RAB28: variants seen among roughly 807,000 people sequenced by gnomAD.
RAB28 encodes the protein ras-related protein Rab-28.
Under a neutral mutation model 31.7 loss-of-function variants are expected in RAB28, and 24 were observed. That is an observed-to-expected ratio of 0.76 (90% CI 0.55 to 1.06). The LOEUF (loss-of-function observed/expected upper bound fraction) is 1.06. Ranked by LOEUF, RAB28 falls within the 50% of genes least tolerant of loss-of-function variation. RAB28 has a pLI of 0.00. For missense variants in RAB28, 254 were observed against 258.5 expected (o/e 0.98, Z 0.12); for synonymous variants, 100 against 90.4 (o/e 1.11, Z -0.60).
chr4:13,455,979 T>C (rs1444487916), intron 4 of RAB28, among the ~76,000 whole-genome samples: 1 of 152,242 alleles, frequency 6.6e-6, no homozygotes, highest in East Asian at 1.9e-4. Context: ...TAAGTGTATT[T>C]ATTAATCTCA....
chr4:13,387,874 C>G (rs1364927239), intron 4 of RAB28, among the ~76,000 whole-genome samples: 1 of 152,012 alleles, frequency 6.6e-6, no homozygotes, highest in Non-Finnish European at 1.5e-5. Context: ...ACATTGTCCA[C>G]ACAATGCAAA....
chr4:13,394,421 C>G (rs567999061), intron 4 of RAB28, among the ~76,000 whole-genome samples: 231 of 152,270 alleles, frequency 1.5e-3, no homozygotes, highest in African/African-American at 5.4e-3. Context: ...TCTAATGCTG[C>G]TGCTGATCTG....
intron 3 of RAB28, among the ~76,000 whole-genome samples, chr4:13,471,821 T>C (rs1716134344): frequency 1.3e-5 from 2 of 152,064 alleles, no homozygotes; most frequent in Admixed American, 6.6e-5. Flanking sequence ...AATCATTAAG[T>C]GTAAACGATA....
At chr4:13,380,038 T>C (rs1046798926) in intron 5 of RAB28, among the ~76,000 whole-genome samples, 4 of 152,132 alleles carry the variant, frequency 2.6e-5, no homozygotes, top group African/African-American at 7.2e-5. Context: ...AAAATAATTC[T>C]GAAATGGCAA....
At chr4:13,431,691 C>A (rs1456228069) in intron 4 of RAB28, among the ~76,000 whole-genome samples, 2 of 152,102 alleles carry the variant, frequency 1.3e-5, no homozygotes, top group African/African-American at 4.8e-5. Flanking sequence ...GGAGCCCACA[C>A]AGAGCCTTGG....
chr4:13,395,998 G>A lies in RAB28; in HGVS notation c.392-14404C>T, dbSNP rs573939728. Among the ~76,000 whole-genome samples the A allele has an allele frequency of 2.6e-5, 4 of 151,972 alleles. No individual in the cohort carries two copies. In the East Asian group the frequency reaches 5.8e-4, roughly 22 times the overall value. On this transcript the variant is annotated intron_variant, in intron 4 of 6. Coordinates refer to ENST00000330852, the MANE Select transcript of RAB28 (RefSeq NM_001017979.3). ...ATTATCAATTAATTGTATTATTAAT[G>A]TCTACTTGCTGTCGATGGAAAAAAA...
intron 6 of RAB28, chr4:13,371,259 A>C (rs1728701562): frequency 1.0e-6 from 1 of 985,266 alleles, no homozygotes; most frequent in Admixed American, 6.2e-5. Context: ...TGATGCTATC[A>C]ACAGAAGCAT....
chr4:13,428,441 A>C (rs781628162), intron 4 of RAB28, among the ~76,000 whole-genome samples: 2 of 152,350 alleles, frequency 1.3e-5, no homozygotes, highest in South Asian at 2.1e-4. Context: ...AAGTACAATA[A>C]AATATGAGCA....
intron 4 of RAB28, chr4:13,460,005 T>C (rs1320665314): frequency 1.0e-5 from 8 of 789,946 alleles, no homozygotes; most frequent in South Asian, 7.2e-5. Flanking sequence ...GCAGTTATAA[T>C]AGACCACGCA....
At chr4:13,440,384 C>T (rs977273115) in intron 4 of RAB28, among the ~76,000 whole-genome samples, 1 of 152,002 alleles carries the variant, frequency 6.6e-6, no homozygotes, top group Non-Finnish European at 1.5e-5. Context: ...TTTACATTTA[C>T]ATTTTCTTCT....
Position 13,476,651 on chromosome 4 carries a change from G to A in RAB28, c.173-2245C>T, listed in dbSNP as rs565155404. On this transcript the variant is annotated intron_variant, in intron 2 of 6. Transcript: ENST00000330852. ...ATCAATATTCATTTTCATTTTTGCA[G>A]GCATAAACATATGAATTCTCCTAGT... 8.6e-5 allele frequency among the ~76,000 whole-genome samples: 13 copies of A among 151,298 alleles called. No homozygotes were observed. The East Asian group carries it at 2.5e-3, about 29-fold the overall frequency.
At chr4:13,397,894 T>C (rs551116407) in intron 4 of RAB28, among the ~76,000 whole-genome samples, 23 of 152,246 alleles carry the variant, frequency 1.5e-4, no homozygotes, top group African/African-American at 5.5e-4. Flanking sequence ...ATCACATACA[T>C]ATCCACAAAC....
At chr4:13,463,973 G>A (rs1446605053) in intron 3 of RAB28, among the ~76,000 whole-genome samples, 1 of 152,002 alleles carries the variant, frequency 6.6e-6, no homozygotes, top group Non-Finnish European at 1.5e-5. Context: ...ACTTTTCTTG[G>A]ACTGATCAGA....
At position 13,420,906 on chromosome 4, in the gene RAB28, G is replaced by T. The variant is rs571409763; in HGVS notation, c.392-39312C>A. Among the ~76,000 whole-genome samples the T allele has an allele frequency of 3.3e-5, 5 of 152,326 alleles. No homozygotes were observed. The South Asian group carries it at 1.0e-3, about 32-fold the overall frequency. ...ACATAGTGTTGGAAGTTCTGGCCGAGCAATCAGGCAAGAGAAAGAAATATA... is the reference window on the plus strand; with the variant it reads ...ACATAGTGTTGGAAGTTCTGGCCGATCAATCAGGCAAGAGAAAGAAATATA... On this transcript the variant is annotated intron_variant, in intron 4 of 6. Transcript: ENST00000330852.
At chr4:13,466,850 A>C (rs1715869857) in intron 3 of RAB28, among the ~76,000 whole-genome samples, 1 of 151,998 alleles carries the variant, frequency 6.6e-6, no homozygotes. Context: ...CCATAAACCT[A>C]AAAAAAGGAA....
intron 4 of RAB28, among the ~76,000 whole-genome samples, chr4:13,391,011 T>C (rs1729604210): frequency 6.6e-6 from 1 of 152,124 alleles, no homozygotes; most frequent in Non-Finnish European, 1.5e-5. Context: ...ACTTCATGTC[T>C]AAAACACCAA....
At chr4:13,475,832 T>C (rs1253561997) in intron 2 of RAB28, among the ~76,000 whole-genome samples, 3 of 151,552 alleles carry the variant, frequency 2.0e-5, no homozygotes, top group Non-Finnish European at 4.4e-5. Context: ...ATCTAAATTT[T>C]TTGAGATTCA....
chr4:13,369,908 A>T, intron 6 of RAB28: 1 of 1,612,368 alleles, frequency 6.2e-7, no homozygotes, highest in African/African-American at 1.3e-5. Context: ...CTCTGAGTAG[A>T]GGTGGTATGT....
chr4:13,417,446 T>C (rs934014698), intron 4 of RAB28, among the ~76,000 whole-genome samples: 3 of 152,168 alleles, frequency 2.0e-5, no homozygotes, highest in African/African-American at 4.8e-5. Context: ...CTCAAGTGGG[T>C]CCCTGACCCC....
Sources: gnomAD v4.1 joint callset for allele counts (sites outside exome capture counted in the v4.1 genomes callset) on GRCh38, gnomAD v4.1.1 for gene constraint, MANE v1.5 for transcripts, NCBI Gene and HGNC (gene_info 2026-07-23, HGNC 2026-07-21) for gene names.